The following MGAT5 variants were observed in gnomAD, a reference collection of about 807,000 sequenced individuals.
MGAT5 encodes alpha-1,6-mannosylglycoprotein 6-beta-N-acetylglucosaminyltransferase A.
Under a neutral mutation model 94.3 loss-of-function variants are expected in MGAT5, and 30 were observed. The ratio of observed to expected loss-of-function variants is 0.32; its 90% CI spans 0.24 to 0.43. The LOEUF (loss-of-function observed/expected upper bound fraction) is 0.43. MGAT5 is among the 20% of genes least tolerant of loss of function. MGAT5 has a pLI of 1.00. For missense variants in MGAT5, 691 were observed against 905.5 expected, an observed-to-expected ratio of 0.76 and a Z score of 3.04; for synonymous variants, 310 against 322.9, an observed-to-expected ratio of 0.96 and a Z score of 0.43.
intron 1 of MGAT5, among the ~76,000 whole-genome samples, chr2:134,221,226 G>A (rs1443740674): frequency 6.6e-6 from 1 of 152,172 alleles, no homozygotes; most frequent in African/African-American, 2.4e-5. Flanking sequence ...ATGTATTTTA[G>A]GAAGGCAGGA....
chr2:134,205,856 C>T (rs145499991), intron 1 of MGAT5, among the ~76,000 whole-genome samples: 151 of 152,212 alleles, frequency 9.9e-4, no homozygotes, highest in African/African-American at 3.5e-3. Context: ...GTCCTGAAGG[C>T]AGATCAATGA....
chr2:134,299,299 C>A (rs4954129), intron 2 of MGAT5, among the ~76,000 whole-genome samples: 139,456 of 152,246 alleles, frequency 0.92, 64,845 homozygotes, highest in East Asian at 1. Context: ...TGGTCAAAGC[C>A]AACACCAGAT....
chr2:134,402,956 G>T (rs897905564), intron 10 of MGAT5, 32 bp from the exon 11 acceptor site: 8 of 1,557,220 alleles, frequency 5.1e-6, no homozygotes, highest in South Asian at 1.2e-5. Context: ...GAAAGAAAAA[G>T]AGAAATGTCT....
chr2:134,403,118 T>A lies in MGAT5; in HGVS notation c.1511T>A (p.Phe504Tyr). ...HGILSGRDLQ[F>Y]LLRETKLFVG... is the part of the protein sequence containing the mutation. ...ATCCTCAGTGGACGGGACCTGCAGT[T>A]CCTTCTTCGAGAAACCAAGGTAAAA... The change falls in exon 11 of 16, where the codon TTC becomes TAC. Residue 504 changes from phenylalanine (F) to tyrosine (Y), a missense_variant. By Grantham distance (22) the Phe-to-Tyr change is conservative. Coordinates refer to ENST00000281923, the MANE Select transcript of MGAT5 (RefSeq NM_002410.5). 6.2e-7 allele frequency: 1 copy of A among 1,603,084 alleles called. No homozygotes were observed. The highest frequency in any genetic ancestry group is 8.5e-7 in the Non-Finnish European group (1 of 1,177,654).
chr2:134,151,826 G>T (rs1687202933), intron 1 of MGAT5, among the ~76,000 whole-genome samples: 1 of 128,674 alleles, frequency 7.8e-6, no homozygotes, highest in African/African-American at 3.1e-5. Context: ...ACTGCCATGG[G>T]ACCTCACTCA....
chr2:134,200,788 A>G (rs951526789), intron 1 of MGAT5, among the ~76,000 whole-genome samples: 1 of 152,096 alleles, frequency 6.6e-6, no homozygotes, highest in Admixed American at 6.5e-5. Context: ...GGAGGCCAAG[A>G]TGGAAGGATC....
chr2:134,225,609 G>T (rs765077078), intron 1 of MGAT5, among the ~76,000 whole-genome samples: 25 of 152,192 alleles, frequency 1.6e-4, no homozygotes, highest in Admixed American at 3.3e-4. Flanking sequence ...CAAGTGTATA[G>T]ATCAGGAAAA....
chr2:134,353,391 A>G (rs908936965), intron 9 of MGAT5, among the ~76,000 whole-genome samples: 3 of 152,168 alleles, frequency 2.0e-5, no homozygotes, highest in Non-Finnish European at 4.4e-5. Flanking sequence ...TGAAACTGTT[A>G]TGGGTATGTT....
chr2:134,262,933 C>G (rs1211439766), intron 1 of MGAT5, among the ~76,000 whole-genome samples: 1 of 152,206 alleles, frequency 6.6e-6, no homozygotes, highest in Non-Finnish European at 1.5e-5. Context: ...CCCTACTAAA[C>G]TAGGAGATGT....
intron 10 of MGAT5, among the ~76,000 whole-genome samples, chr2:134,383,232 T>C (rs536290380): frequency 1.3e-5 from 2 of 152,302 alleles, no homozygotes; most frequent in South Asian, 4.1e-4. Context: ...ATCAGAGGAT[T>C]TTTTCTATTA....
At chr2:134,307,967 A>G (rs1252030272) in intron 2 of MGAT5, among the ~76,000 whole-genome samples, 1 of 152,130 alleles carries the variant, frequency 6.6e-6, no homozygotes, top group African/African-American at 2.4e-5. Context: ...ACATTCTTAA[A>G]AGGTCCCCAA....
At chr2:134,237,119 GTA>G (rs151015696) in intron 1 of MGAT5, among the ~76,000 whole-genome samples, 1 of 127,206 alleles carries the variant, frequency 7.9e-6, no homozygotes, top group Non-Finnish European at 1.6e-5. Flanking sequence ...TGTAGAAGGA[GTA>G]TATGTGTGTG....
At chr2:134,257,448 C>G (rs1683039927) in intron 1 of MGAT5, among the ~76,000 whole-genome samples, 1 of 152,176 alleles carries the variant, frequency 6.6e-6, no homozygotes, top group African/African-American at 2.4e-5. Flanking sequence ...TCTCAAACAC[C>G]TGACCTCAGA....
chr2:134,217,473 G>A (rs1680559499), intron 1 of MGAT5, among the ~76,000 whole-genome samples: 1 of 152,164 alleles, frequency 6.6e-6, no homozygotes, highest in African/African-American at 2.4e-5. Flanking sequence ...GAGAAAGCAG[G>A]TGTGGGTAGC....
intron 10 of MGAT5, among the ~76,000 whole-genome samples, chr2:134,381,416 AG>A (rs1558842054): frequency 2.2e-5 from 3 of 138,386 alleles, no homozygotes; most frequent in African/African-American, 8.1e-5. Context: ...ATAGATAGAT[AG>A]ATAGATAGAT....
chr2:134,312,886 A>C (rs1417783275), intron 2 of MGAT5, among the ~76,000 whole-genome samples: 2 of 152,090 alleles, frequency 1.3e-5, no homozygotes, highest in African/African-American at 4.8e-5. Context: ...GTGATGTATC[A>C]AGGCAAGTTA....
intron 1 of MGAT5, among the ~76,000 whole-genome samples, chr2:134,191,956 C>A (rs1476044895): frequency 6.7e-6 from 1 of 149,918 alleles, no homozygotes; most frequent in Non-Finnish European, 1.5e-5. Context: ...CCCTCCTTCT[C>A]CTCCTGCTCG....
intron 12 of MGAT5, among the ~76,000 whole-genome samples, chr2:134,415,649 C>T (rs1683921157): frequency 6.6e-6 from 1 of 152,094 alleles, no homozygotes; most frequent in Admixed American, 6.5e-5. Context: ...CCTGTTTTTG[C>T]TTTTGTTGCC....
At chr2:134,130,231 C>T (rs1573710421) in intron 1 of MGAT5, among the ~76,000 whole-genome samples, 1 of 146,056 alleles carries the variant, frequency 6.8e-6, no homozygotes, top group Admixed American at 6.8e-5. Flanking sequence ...CACACCGCCC[C>T]ACACCGCCCC....
Sources: gnomAD v4.1 joint callset for allele counts (sites outside exome capture counted in the v4.1 genomes callset) on GRCh38, gnomAD v4.1.1 for gene constraint, MANE v1.5 for transcripts, NCBI Gene and HGNC (gene_info 2026-07-23, HGNC 2026-07-21) for gene names.